Variants in FGF12 observed in about 807,000 individuals in gnomAD.
FGF12 encodes fibroblast growth factor 12B.
Under a neutral mutation model 23.6 loss-of-function variants are expected in FGF12, and 14 were observed. The ratio of observed to expected loss-of-function variants is 0.59; its 90% CI spans 0.39 to 0.93. The LOEUF is 0.93. Among genes scored for constraint, FGF12 ranks in the 40% least tolerant of loss-of-function variants. FGF12 has a pLI of 0.00. For synonymous variants in FGF12, 62 were observed against 77.3 expected, an observed-to-expected ratio of 0.80 and a Z score of 1.04; for missense variants, 175 against 217.8, an observed-to-expected ratio of 0.80 and a Z score of 1.24.
intron 5 of FGF12, among the ~76,000 whole-genome samples, chr3:192,160,692 A>G (rs1037750159): frequency 5.9e-5 from 9 of 152,176 alleles, no homozygotes; most frequent in Admixed American, 1.3e-4. Context: ...CTGTGTCCCC[A>G]TTAGTACAGT....
chr3:192,521,127 T>C (rs1724802425), intron 2 of FGF12, among the ~76,000 whole-genome samples: 1 of 152,256 alleles, frequency 6.6e-6, no homozygotes, highest in South Asian at 2.1e-4. Flanking sequence ...GCCAGCAATA[T>C]ATGATTGCCT....
At chr3:192,241,353 T>G (rs752798186) in intron 4 of FGF12, among the ~76,000 whole-genome samples, 2 of 152,076 alleles carry the variant, frequency 1.3e-5, no homozygotes, top group Non-Finnish European at 2.9e-5. Flanking sequence ...TACCAGGAGT[T>G]AAAGGATATT....
At chr3:192,613,057 T>C (rs896869056) in intron 2 of FGF12, among the ~76,000 whole-genome samples, 1 of 151,936 alleles carries the variant, frequency 6.6e-6, no homozygotes, top group Non-Finnish European at 1.5e-5. Flanking sequence ...GGAAGATCTG[T>C]AGGCACTACT....
intron 4 of FGF12, among the ~76,000 whole-genome samples, chr3:192,205,313 A>G (rs556361386): frequency 1.3e-5 from 2 of 152,296 alleles, no homozygotes; most frequent in South Asian, 2.1e-4. Flanking sequence ...AGCACTTTCT[A>G]AGAGATTAAA....
intron 2 of FGF12, among the ~76,000 whole-genome samples, chr3:192,704,019 A>T (rs1718386433): frequency 6.6e-6 from 1 of 152,172 alleles, no homozygotes; most frequent in Admixed American, 6.5e-5. Context: ...AAAGTTATTC[A>T]TGAGGATTGA....
At chr3:192,385,561 C>A (rs573722266) in intron 2 of FGF12, among the ~76,000 whole-genome samples, 124 of 152,202 alleles carry the variant, frequency 8.1e-4, no homozygotes, top group South Asian at 1.7e-3. Context: ...AGAATTCACC[C>A]CCCCCAGCTC....
chr3:192,246,737 A>G (rs972729552), intron 4 of FGF12, among the ~76,000 whole-genome samples: 2 of 151,360 alleles, frequency 1.3e-5, no homozygotes, highest in Non-Finnish European at 2.9e-5. Context: ...AGGCAGGAGA[A>G]TCGCTTGAAC....
At chr3:192,533,030 C>T (rs897686788) in intron 2 of FGF12, among the ~76,000 whole-genome samples, 3 of 152,136 alleles carry the variant, frequency 2.0e-5, no homozygotes, top group African/African-American at 7.2e-5. Context: ...TTTCATCTGA[C>T]ACCATCTTAC....
At chr3:192,688,767 T>C (rs1049322297) in intron 2 of FGF12, among the ~76,000 whole-genome samples, 2 of 152,152 alleles carry the variant, frequency 1.3e-5, no homozygotes, top group African/African-American at 4.8e-5. Context: ...GAAATCAGTA[T>C]GTCAAAAGGA....
intron 4 of FGF12, among the ~76,000 whole-genome samples, chr3:192,292,879 C>T (rs889787367): frequency 2.6e-5 from 4 of 152,138 alleles, no homozygotes; most frequent in Non-Finnish European, 5.9e-5. Flanking sequence ...TGAGCTCAAA[C>T]GATCCTCCCA....
chr3:192,521,379 A>G (rs1230985485), intron 2 of FGF12: 4 of 152,238 alleles, frequency 2.6e-5, no homozygotes, highest in East Asian at 1.9e-4. Flanking sequence ...CGAGCTCGTT[A>G]GCCATAAGAA....
intron 2 of FGF12, among the ~76,000 whole-genome samples, chr3:192,554,467 T>A (rs1024969392): frequency 1.3e-5 from 2 of 152,016 alleles, no homozygotes; most frequent in African/African-American, 4.8e-5. Context: ...AACTGGCAAA[T>A]CTCTCTAATG....
chr3:192,567,861 T>C (rs1315028812), intron 2 of FGF12, among the ~76,000 whole-genome samples: 1 of 151,314 alleles, frequency 6.6e-6, no homozygotes, highest in East Asian at 1.9e-4. Context: ...TTTCAGAGTT[T>C]TGCTCTTGTC....
chr3:192,406,696 G>A (rs1720970734), intron 2 of FGF12, among the ~76,000 whole-genome samples: 1 of 152,116 alleles, frequency 6.6e-6, no homozygotes, highest in Non-Finnish European at 1.5e-5. Context: ...ATAAGAAAAT[G>A]AGCCTAGTAT....
intron 4 of FGF12, among the ~76,000 whole-genome samples, chr3:192,334,815 A>T (rs1717311654): frequency 6.6e-6 from 1 of 152,176 alleles, no homozygotes; most frequent in Non-Finnish European, 1.5e-5. Flanking sequence ...AAACTCAAAT[A>T]TCCTTGCTCG....
At chr3:192,378,436 C>G (rs1018504548) in intron 2 of FGF12, among the ~76,000 whole-genome samples, 1 of 142,100 alleles carries the variant, frequency 7.0e-6, no homozygotes, top group Non-Finnish European at 1.5e-5. Flanking sequence ...AATAGCTTTC[C>G]CAAAAATGCA....
intron 2 of FGF12, among the ~76,000 whole-genome samples, chr3:192,437,426 C>T (rs1249353243): frequency 2.0e-5 from 3 of 152,178 alleles, no homozygotes; most frequent in African/African-American, 4.8e-5. Flanking sequence ...GGCGCCGTGG[C>T]TCACGCCTGT....
intron 2 of FGF12, among the ~76,000 whole-genome samples, chr3:192,722,315 G>C (rs1719063526): frequency 6.6e-6 from 1 of 152,000 alleles, no homozygotes; most frequent in South Asian, 2.1e-4. Context: ...TGTTGTTATT[G>C]TTTAACCACA....
At chr3:192,371,381 C>T (rs760374032) in intron 2 of FGF12, among the ~76,000 whole-genome samples, 20 of 152,210 alleles carry the variant, frequency 1.3e-4, no homozygotes, top group African/African-American at 4.1e-4. Context: ...TTATCCCAAA[C>T]GAGCTGCATG....
Sources: allele counts gnomAD v4.1 joint callset (sites outside exome capture counted in the v4.1 genomes callset), GRCh38; gene constraint gnomAD v4.1.1; transcripts MANE v1.5; gene names NCBI Gene and HGNC (gene_info 2026-07-23, HGNC 2026-07-21).